Variants in GALNTL6 observed in about 807,000 individuals in gnomAD.
GALNTL6 encodes polypeptide N-acetylgalactosaminyltransferase-like 6.
Under a neutral mutation model 73.7 loss-of-function variants are expected in GALNTL6, and 46 were observed. The observed-to-expected ratio is 0.62, with a 90% CI of 0.49 to 0.80. The LOEUF is 0.80. GALNTL6 is among the 30% of genes least tolerant of loss of function. The pLI, the probability that GALNTL6 is intolerant of heterozygous loss-of-function variation, is 0.00. For synonymous variants in GALNTL6, 259 were observed against 263.7 expected (o/e 0.98, Z 0.17); for missense variants, 604 against 755.0 (o/e 0.80, Z 2.34).
intron 5 of GALNTL6, among the ~76,000 whole-genome samples, chr4:172,728,176 G>A (rs766501621): frequency 8.3e-4 from 126 of 152,174 alleles, no homozygotes; most frequent in Middle Eastern, 3.4e-3. Context: ...GATTACAGGC[G>A]TCAGCCACCA....
intron 4 of GALNTL6, among the ~76,000 whole-genome samples, chr4:172,326,674 A>T (rs6830961): frequency 0.17 from 25,440 of 151,890 alleles, 2,307 homozygotes; most frequent in Middle Eastern, 0.2. Flanking sequence ...CTTATAGTCA[A>T]TGTGATTATT....
intron 3 of GALNTL6, among the ~76,000 whole-genome samples, chr4:172,264,648 G>A (rs916387358): frequency 2.2e-4 from 30 of 138,908 alleles, no homozygotes; most frequent in Non-Finnish European, 4.0e-4. Context: ...GTGTATATAC[G>A]TATAAGTGTG....
intron 5 of GALNTL6, among the ~76,000 whole-genome samples, chr4:172,625,364 A>G (rs527718778): frequency 1.3e-5 from 2 of 152,110 alleles, no homozygotes; most frequent in South Asian, 2.1e-4. Context: ...TGCAGAGGAC[A>G]TGGTTTCATT....
In GALNTL6 at chr4:171,965,326, A is replaced by G. The variant is rs1385595844; in HGVS notation, c.138+150608A>G. The stretch of plus-strand genomic sequence containing the variant: ...GGATATGAAGTGATAAATATATTTT[A>G]TAATCCAGAATCCAGAAAGACCTAT... On this transcript the variant is annotated intron_variant, in intron 2 of 12. Transcript: ENST00000506823. Among the ~76,000 whole-genome samples, 3 of 152,308 alleles carry G rather than the reference A, an allele frequency of 2.0e-5. No individual in the cohort carries two copies. The East Asian group carries it at 5.8e-4, about 29-fold the overall frequency.
intron 8 of GALNTL6, among the ~76,000 whole-genome samples, chr4:172,912,190 A>G (rs907102649): frequency 6.6e-6 from 1 of 152,332 alleles, no homozygotes; most frequent in Middle Eastern, 3.4e-3. Context: ...TAACAATATT[A>G]TTGTGAGCCT....
At chr4:172,845,793 T>A (rs1408438708) in intron 7 of GALNTL6, among the ~76,000 whole-genome samples, 1 of 152,232 alleles carries the variant, frequency 6.6e-6, no homozygotes, top group Non-Finnish European at 1.5e-5. Flanking sequence ...GGATTTTTTT[T>A]ATGTTAATTC....
chr4:172,022,375 A>G (rs1741432240), intron 2 of GALNTL6, among the ~76,000 whole-genome samples: 1 of 152,002 alleles, frequency 6.6e-6, no homozygotes, highest in East Asian at 1.9e-4. Flanking sequence ...TTTCATCAAT[A>G]TTCTTGATCT....
intron 2 of GALNTL6, among the ~76,000 whole-genome samples, chr4:171,881,042 G>A (rs1244459250): frequency 6.6e-6 from 1 of 151,928 alleles, no homozygotes; most frequent in Non-Finnish European, 1.5e-5. Flanking sequence ...AGAATTTTCA[G>A]ATCAAATATC....
chr4:172,857,725 C>T (rs1308736089), intron 7 of GALNTL6, among the ~76,000 whole-genome samples: 5 of 151,922 alleles, frequency 3.3e-5, no homozygotes, highest in African/African-American at 1.2e-4. Flanking sequence ...CTTTAAAATC[C>T]AATGATTCTT....
At chr4:172,440,306 A>C (rs1731783484) in intron 5 of GALNTL6, among the ~76,000 whole-genome samples, 1 of 152,106 alleles carries the variant, frequency 6.6e-6, no homozygotes, top group African/African-American at 2.4e-5. Context: ...CGGTGCTAAA[A>C]AGATATGAAA....
rs71592087 is a variant in GALNTL6 at position 172,609,601 on chromosome 4, T to TTCTCTCTCTC, written c.554-199744_554-199735dup. 7.3e-4 allele frequency among the ~76,000 whole-genome samples: 83 copies of TTCTCTCTCTC among 113,886 alleles called. 1 individual carries two copies. Among genetic ancestry groups the TTCTCTCTCTC allele is most frequent in the African/African-American group, 2.9e-3 (82 of 28,640 alleles). 74.7% of individuals were successfully genotyped at this position (113,886 alleles called of 152,430 possible). ...TCATCAAGGATATTGGCCTGAAGTT[T>TTCTCTCTCTC]TCTCTCTCTCTCTCTCTCTCTCTCT... On this transcript the variant is annotated intron_variant, in intron 5 of 12. Transcript: ENST00000506823.
chr4:172,588,794 G>A lies in GALNTL6; in HGVS notation c.554-220567G>A, dbSNP rs952211222. On this transcript the variant is annotated intron_variant, in intron 5 of 12. Transcript: ENST00000506823. ...TTATGCAATCACATATCGATATGACGTGAGCATGCTGTATCTCAAGCAACT... is the reference window on the plus strand; with the variant it reads ...TTATGCAATCACATATCGATATGACATGAGCATGCTGTATCTCAAGCAACT... Among the ~76,000 whole-genome samples, 14 of 152,210 alleles carry A rather than the reference G, an allele frequency of 9.2e-5. No homozygotes were observed. The South Asian group carries it at 1.0e-3, about 11-fold the overall frequency.
chr4:171,853,109 C>A (rs561471926), intron 2 of GALNTL6, among the ~76,000 whole-genome samples: 1 of 150,600 alleles, frequency 6.6e-6, no homozygotes. Context: ...GTGATCCGCC[C>A]GCTTCAGCCT....
intron 2 of GALNTL6, among the ~76,000 whole-genome samples, chr4:171,832,925 C>T (rs1157405852): frequency 6.6e-6 from 1 of 151,668 alleles, no homozygotes; most frequent in East Asian, 1.9e-4. Context: ...GTTTAAATTA[C>T]CCTCATTTGA....
At chr4:173,037,091 T>C (rs1235546666) in intron 12 of GALNTL6, among the ~76,000 whole-genome samples, 1 of 152,240 alleles carries the variant, frequency 6.6e-6, no homozygotes, top group Non-Finnish European at 1.5e-5. Flanking sequence ...ATGCTTGCTA[T>C]GGGCAAGGCA....
intron 5 of GALNTL6, chr4:172,666,682 T>G (rs2111193485): frequency 6.6e-6 from 1 of 152,308 alleles, no homozygotes; most frequent in South Asian, 2.1e-4. Context: ...CCACCCTGAA[T>G]GAGAACCTAG....
intron 5 of GALNTL6, among the ~76,000 whole-genome samples, chr4:172,618,261 C>A (rs145894041): frequency 1.3e-5 from 2 of 152,096 alleles, no homozygotes; most frequent in Non-Finnish European, 2.9e-5. Flanking sequence ...AAGCAATCTC[C>A]TTCATTAACA....
At chr4:172,529,863 T>TTTTATTTAA (rs1735110966) in intron 5 of GALNTL6, among the ~76,000 whole-genome samples, 2 of 138,658 alleles carry the variant, frequency 1.4e-5, no homozygotes, top group African/African-American at 2.7e-5. Flanking sequence ...TTTATTTTTA[T>TTTTATTTAA]TTTATTTATT....
chr4:171,958,562 A>G (rs1456598740), intron 2 of GALNTL6, among the ~76,000 whole-genome samples: 1 of 152,160 alleles, frequency 6.6e-6, no homozygotes, highest in African/African-American at 2.4e-5. Context: ...TATCAGATAA[A>G]TGAATTTTGT....
Sources: gnomAD v4.1 joint callset for allele counts (sites outside exome capture counted in the v4.1 genomes callset) on GRCh38, gnomAD v4.1.1 for gene constraint, MANE v1.5 for transcripts, NCBI Gene and HGNC (gene_info 2026-07-23, HGNC 2026-07-21) for gene names.